Variants in HERC1 observed in about 807,000 individuals in gnomAD.
HERC1 encodes probable E3 ubiquitin-protein ligase HERC1.
In HERC1, 160 loss-of-function variants were observed where a neutral mutation model predicts 554.3. That is an observed-to-expected ratio of 0.29 (90% CI 0.25 to 0.33). The LOEUF is 0.33. Among genes scored for constraint, HERC1 ranks in the 10% least tolerant of loss-of-function variants. The pLI is 1.00. For missense variants in HERC1, 4,919 were observed against 5,918.5 expected (o/e 0.83, Z 5.54); for synonymous variants, 2,175 against 2,131.7 (o/e 1.02, Z -0.56).
In HERC1 at chr15:63,680,301, C is replaced by G. The variant is rs76946928; in HGVS notation, c.6466-141G>C. 1.3e-5 allele frequency: 10 copies of G among 750,502 alleles called. No homozygotes were observed. Among genetic ancestry groups the G allele is most frequent in the Non-Finnish European group, 1.9e-5 (9 of 476,118 alleles). 46.5% of individuals were successfully genotyped at this position (750,502 alleles called of 1,614,324 possible). On this transcript the variant is annotated intron_variant, in intron 35 of 77. Transcript: ENST00000443617. The surrounding 1 kb of genome is among the most constrained non-coding windows in gnomAD (Gnocchi z 5.8). ...CAAATTCTCAATTAACCTTGCTAAC[C>G]GAGAAAATTCTACATATAATAAGTG...
intron 2 of HERC1, among the ~76,000 whole-genome samples, chr15:63,768,712 C>T (rs758938551): frequency 1.2e-4 from 19 of 152,168 alleles, no homozygotes; most frequent in Admixed American, 2.6e-4. Flanking sequence ...ATGTTGAAAA[C>T]AGCATAAAGT....
intron 43 of HERC1, among the ~76,000 whole-genome samples, chr15:63,663,852 T>C (rs930441184): frequency 6.6e-6 from 1 of 152,266 alleles, no homozygotes; most frequent in Non-Finnish European, 1.5e-5. Flanking sequence ...ATGAGAAATA[T>C]ACAGTTCTCT....
At position 63,649,082 on chromosome 15, in the gene HERC1, C is replaced by T. The variant is rs77715851; in HGVS notation, c.10747+643G>A. Among the ~76,000 whole-genome samples the T allele has an allele frequency of 1.6e-4, 24 of 152,178 alleles. 1 individual carries two copies. The highest frequency in any genetic ancestry group is 1.2e-3 in the East Asian group (6 of 5,180). ...AAGACAATTTCATCTCGGCCAGGCA[C>T]GGTGGCTCACGCCTGTAATCCCAGG... is the stretch of plus-strand genomic sequence containing the variant. On this transcript the variant is annotated intron_variant, in intron 54 of 77. Coordinates refer to ENST00000443617, the MANE Select transcript of HERC1 (RefSeq NM_003922.4).
intron 1 of HERC1, among the ~76,000 whole-genome samples, chr15:63,801,457 T>C (rs1325812881): frequency 3.3e-5 from 5 of 152,166 alleles, no homozygotes; most frequent in African/African-American, 1.2e-4. Context: ...GAAGAACTGA[T>C]TGGTGTACGC....
chr15:63,769,537 T>A (rs911145584), intron 2 of HERC1, among the ~76,000 whole-genome samples: 8 of 151,918 alleles, frequency 5.3e-5, no homozygotes, highest in African/African-American at 1.9e-4. Flanking sequence ...AGTTCAATGG[T>A]CCAAAAATAA....
chr15:63,652,649 G>T, intron 51 of HERC1, 108 bp from the exon 52 acceptor site: 2 of 920,190 alleles, frequency 2.2e-6, no homozygotes, highest in Non-Finnish European at 3.2e-6. Flanking sequence ...TAAAAGAAAA[G>T]CATCCATTCC....
chr15:63,633,811 A>T, intron 67 of HERC1, 37 bp downstream of exon 67: 1 of 1,598,430 alleles, frequency 6.3e-7, no homozygotes, highest in Non-Finnish European at 8.5e-7. Context: ...AAAACTATTT[A>T]TGTTGTCTGA....
chr15:63,745,323 G>A (rs1454740850), intron 12 of HERC1, among the ~76,000 whole-genome samples: 1 of 152,144 alleles, frequency 6.6e-6, no homozygotes, highest in Non-Finnish European at 1.5e-5. Context: ...TCAGCACTAG[G>A]ACTCGCCTAA....
At chr15:63,817,702 G>A (rs768355134) in intron 1 of HERC1, among the ~76,000 whole-genome samples, 11 of 152,088 alleles carry the variant, frequency 7.2e-5, no homozygotes, top group Non-Finnish European at 1.5e-4. Context: ...GTGACACAGC[G>A]AGACTCTGTC....
At chr15:63,740,826 A>C (rs894066019) in intron 12 of HERC1, among the ~76,000 whole-genome samples, 2 of 151,990 alleles carry the variant, frequency 1.3e-5, no homozygotes, top group African/African-American at 2.4e-5. Context: ...AGAAACTAGA[A>C]CCTCATCAGA....
intron 1 of HERC1, among the ~76,000 whole-genome samples, chr15:63,788,512 A>G (rs2076526172): frequency 6.6e-6 from 1 of 152,240 alleles, no homozygotes; most frequent in Non-Finnish European, 1.5e-5. Flanking sequence ...AGTTCTTTTT[A>G]AGCAGTCAAT....
At chr15:63,739,724 G>A (rs545817122) in intron 12 of HERC1, among the ~76,000 whole-genome samples, 14 of 151,968 alleles carry the variant, frequency 9.2e-5, no homozygotes, top group East Asian at 7.9e-4. Context: ...CTGCAGTCCC[G>A]GCTACTCGGG....
At chr15:63,824,206 C>T (rs750289334) in intron 1 of HERC1, among the ~76,000 whole-genome samples, 4 of 152,022 alleles carry the variant, frequency 2.6e-5, no homozygotes, top group Non-Finnish European at 4.4e-5. Flanking sequence ...AAATTGGAAC[C>T]GCCATTATGG....
rs904887849 is a variant in HERC1 at position 63,652,562 on chromosome 15, A to G, written c.10291-21T>C. On this transcript the variant is annotated intron_variant, in intron 51 of 77. Coordinates refer to ENST00000443617, the MANE Select transcript of HERC1 (RefSeq NM_003922.4). ...ATTACCTAGAAAAGTTGAAACAGGT[A>G]GTCTAATAATTTTCTATTCAAATGA... is the stretch of plus-strand genomic sequence containing the variant. The G allele has an allele frequency of 4.6e-6, 7 of 1,536,762 alleles. No individual in the cohort carries two copies. The African/African-American group carries it at 9.6e-5, about 21-fold the overall frequency.
Position 63,829,472 on chromosome 15 carries a change from TTATATAAATA to T in HERC1, c.-27+4345_-27+4354del, listed in dbSNP as rs59014847. ...TGTGTGTGTGTGTGCACATATATGT[TTATATAAATA>T]TATATATATATATATATACACACAC... On this transcript the variant is annotated intron_variant, in intron 1 of 77. Transcript: ENST00000443617. Among the ~76,000 whole-genome samples, 51 of 28,434 alleles carry T rather than the reference TTATATAAATA, an allele frequency of 1.8e-3. 1 individual carries two copies. The highest frequency in any genetic ancestry group is 3.9e-3 in the African/African-American group (29 of 7,422). The allele number at this position is 28,434 out of a possible 152,430, so 18.7% of individuals were successfully genotyped here. A position where few individuals can be genotyped will look rare whatever the true frequency, so the allele number is the denominator to read the frequency against.
At chr15:63,664,351 T>C (rs894031515) in intron 43 of HERC1, 119 bp downstream of exon 43, 1 of 790,602 alleles carries the variant, frequency 1.3e-6, no homozygotes. Context: ...ATAGCTGTTC[T>C]GTTAATGTGG....
At chr15:63,704,471 A>G (rs1254907453) in intron 25 of HERC1, among the ~76,000 whole-genome samples, 3 of 152,218 alleles carry the variant, frequency 2.0e-5, no homozygotes, top group Non-Finnish European at 2.9e-5. Context: ...TAAACTATAA[A>G]TTGGATTTCT....
Position 63,749,902 on chromosome 15 carries a change from TTC to T in HERC1, c.1903-113_1903-112del, listed in dbSNP as rs1567085418. On this transcript the variant is annotated intron_variant, in intron 8 of 77. Transcript: ENST00000443617. The surrounding 1 kb of genome is among the most constrained non-coding windows in gnomAD (Gnocchi z 4.1). ...AAGTGTGGTTTGATAGTAAATAACT[TTC>T]TGATGTTAAAATCATTTTGATCATT... The T allele has an allele frequency of 6.9e-6, 6 of 872,900 alleles. No homozygotes were observed. Among genetic ancestry groups the T allele is most frequent in the Non-Finnish European group, 1.0e-5 (6 of 602,150 alleles). The allele number at this position is 872,900 out of a possible 1,614,324, so 54.1% of individuals were successfully genotyped here.
rs2073732472 is a variant in HERC1 at position 63,719,833 on chromosome 15, C to T, written c.3743-936G>A. ...GTTGGCATTTACTGAGAAAGGAAGA[C>T]CACATGAACAGTTTCGAGGGTAGGG... On this transcript the variant is annotated intron_variant, in intron 19 of 77. Transcript: ENST00000443617. 4.6e-5 allele frequency among the ~76,000 whole-genome samples: 7 copies of T among 152,218 alleles called. 1 individual carries two copies. In the South Asian group the frequency reaches 1.5e-3, roughly 32 times the overall value.
Sources: gnomAD v4.1 joint callset for allele counts (sites outside exome capture counted in the v4.1 genomes callset) on GRCh38, gnomAD v4.1.1 for gene constraint, Gnocchi (gnomAD v3.1) non-coding constraint, MANE v1.5 for transcripts, NCBI Gene and HGNC (gene_info 2026-07-23, HGNC 2026-07-21) for gene names.